The following CADM2 variants were observed in gnomAD, a reference collection of about 807,000 sequenced individuals.
CADM2 encodes the protein cell adhesion molecule 2, also known as immunoglobulin superfamily member 4D.
Under a neutral mutation model 49.8 loss-of-function variants are expected in CADM2, and 12 were observed. The observed-to-expected ratio is 0.24, with a 90% CI of 0.15 to 0.39. The LOEUF is 0.39. CADM2 is among the 10% of genes least tolerant of loss of function. The pLI is 1.00. For synonymous variants in CADM2, 214 were observed against 175.4 expected, an observed-to-expected ratio of 1.22 and a Z score of -1.74; for missense variants, 378 against 492.3, an observed-to-expected ratio of 0.77 and a Z score of 2.20.
In CADM2 at chr3:85,859,224, C is replaced by CTTTTTTTTT. The variant is rs397990427; in HGVS notation, c.239-24049_239-24041dup. On this transcript the variant is annotated intron_variant, in intron 3 of 9. Coordinates refer to ENST00000383699, the MANE Select transcript of CADM2 (RefSeq NM_001167675.2). ...TACCTTGTGCTTTTCTTTTTTTTGTCTTTTTTTTTTTTTTTTTTTTTTTTT... is the reference window on the plus strand; with the variant it reads ...TACCTTGTGCTTTTCTTTTTTTTGTCTTTTTTTTTTTTTTTTTTTTTTTTTTTTTTTTTT... Among the ~76,000 whole-genome samples, 32 of 70,604 alleles carry CTTTTTTTTT rather than the reference C, an allele frequency of 4.5e-4. 3 individuals carry two copies. Among genetic ancestry groups the CTTTTTTTTT allele is most frequent in the East Asian group, 1.1e-3 (2 of 1,876 alleles). The allele number at this position is 70,604 out of a possible 152,430, so 46.3% of individuals were successfully genotyped here.
intron 1 of CADM2, among the ~76,000 whole-genome samples, chr3:84,970,312 G>T (rs1387620438): frequency 1.3e-5 from 2 of 150,986 alleles, no homozygotes; most frequent in Non-Finnish European, 3.0e-5. Flanking sequence ...AGGTAGGATG[G>T]AAATATTATC....
intron 1 of CADM2, among the ~76,000 whole-genome samples, chr3:84,987,606 A>C (rs1312961035): frequency 1.3e-5 from 2 of 152,090 alleles, no homozygotes; most frequent in Non-Finnish European, 2.9e-5. Context: ...ATCTATTCAA[A>C]TTTGATAGGC....
At chr3:85,298,476 G>T (rs1044090932) in intron 1 of CADM2, among the ~76,000 whole-genome samples, 2 of 152,044 alleles carry the variant, frequency 1.3e-5, no homozygotes, top group African/African-American at 4.8e-5. Flanking sequence ...TTAGTGATTC[G>T]TGATTGTAAA....
chr3:85,832,520 A>T (rs139174570), intron 3 of CADM2, among the ~76,000 whole-genome samples: 84 of 151,840 alleles, frequency 5.5e-4, no homozygotes, highest in Middle Eastern at 3.4e-3. Context: ...CTTTGTAGAG[A>T]TCTTTCATCT....
chr3:85,660,160 T>C (rs1435444095), intron 1 of CADM2, among the ~76,000 whole-genome samples: 1 of 151,960 alleles, frequency 6.6e-6, no homozygotes, highest in Non-Finnish European at 1.5e-5. Context: ...GCACCCTCTC[T>C]GGGCCTGCAA....
intron 1 of CADM2, among the ~76,000 whole-genome samples, chr3:85,349,011 C>T (rs1353259215): frequency 6.6e-6 from 1 of 152,066 alleles, no homozygotes; most frequent in African/African-American, 2.4e-5. Flanking sequence ...ATTCAGTATC[C>T]TTTCTCATAA....
chr3:85,150,714 C>T (rs990699007), intron 1 of CADM2, among the ~76,000 whole-genome samples: 1 of 151,066 alleles, frequency 6.6e-6, no homozygotes, highest in African/African-American at 2.4e-5. Flanking sequence ...AGCAGCCTGG[C>T]CAACATAGTG....
chr3:86,032,828 A>G (rs1734710718), intron 8 of CADM2, among the ~76,000 whole-genome samples: 1 of 151,890 alleles, frequency 6.6e-6, no homozygotes, highest in African/African-American at 2.4e-5. Context: ...TTTGTATGAA[A>G]TAGATAATTT....
At chr3:85,548,145 C>G (rs1277317801) in intron 1 of CADM2, among the ~76,000 whole-genome samples, 1 of 88,232 alleles carries the variant, frequency 1.1e-5, no homozygotes, top group Non-Finnish European at 3.0e-5. Flanking sequence ...GTTCCCACTT[C>G]ACAGCGTGCC....
intron 1 of CADM2, among the ~76,000 whole-genome samples, chr3:85,627,421 A>C (rs2064160814): frequency 6.6e-6 from 1 of 152,046 alleles, no homozygotes; most frequent in Non-Finnish European, 1.5e-5. Context: ...GAATATTCAT[A>C]TATATACATG....
intron 1 of CADM2, among the ~76,000 whole-genome samples, chr3:85,162,468 T>C (rs1559697489): frequency 6.6e-6 from 1 of 152,212 alleles, no homozygotes; most frequent in Middle Eastern, 3.4e-3. Context: ...TGATTTACCT[T>C]TTAATATAAA....
chr3:86,058,200 T>C (rs1475258269), intron 8 of CADM2, among the ~76,000 whole-genome samples: 1 of 152,204 alleles, frequency 6.6e-6, no homozygotes, highest in Non-Finnish European at 1.5e-5. Context: ...TTTTCCCTAA[T>C]CTTTCAAATA....
chr3:85,085,120 T>A (rs567426391), intron 1 of CADM2, among the ~76,000 whole-genome samples: 1 of 152,306 alleles, frequency 6.6e-6, no homozygotes, highest in East Asian at 1.9e-4. Context: ...GTATGAATTA[T>A]ACCATCAACT....
intron 1 of CADM2, among the ~76,000 whole-genome samples, chr3:85,199,108 G>A (rs577140334): frequency 7.9e-5 from 12 of 151,904 alleles, no homozygotes; most frequent in South Asian, 4.1e-4. Context: ...TATGATTCAT[G>A]TTGTCTTACA....
chr3:85,437,309 A>C (rs2036977508), intron 1 of CADM2, among the ~76,000 whole-genome samples: 1 of 152,158 alleles, frequency 6.6e-6, no homozygotes. Flanking sequence ...AAGTTTCTGT[A>C]AACAGCTGTG....
intron 1 of CADM2, among the ~76,000 whole-genome samples, chr3:85,507,333 G>A (rs937542542): frequency 3.3e-5 from 5 of 151,854 alleles, no homozygotes; most frequent in African/African-American, 9.7e-5. Flanking sequence ...GGCTATAGGC[G>A]TGCACCACCA....
At chr3:85,256,375 T>C (rs575902673) in intron 1 of CADM2, among the ~76,000 whole-genome samples, 2 of 152,236 alleles carry the variant, frequency 1.3e-5, no homozygotes, top group East Asian at 3.9e-4. Flanking sequence ...GGATTGAAAG[T>C]CTGCATTTAT....
chr3:85,630,363 GC>G (rs769061119), intron 1 of CADM2, among the ~76,000 whole-genome samples: 70 of 151,972 alleles, frequency 4.6e-4, no homozygotes, highest in Admixed American at 6.6e-4. Flanking sequence ...CTTACAACTG[GC>G]ACACAGTGAC....
At chr3:85,153,852 A>G (rs2040013271) in intron 1 of CADM2, among the ~76,000 whole-genome samples, 1 of 152,150 alleles carries the variant, frequency 6.6e-6, no homozygotes, top group Admixed American at 6.5e-5. Context: ...ATGGCCTGGT[A>G]CTCCAACAGA....
Sources: allele counts gnomAD v4.1 joint callset (sites outside exome capture counted in the v4.1 genomes callset), GRCh38; gene constraint gnomAD v4.1.1; transcripts MANE v1.5; gene names NCBI Gene and HGNC (gene_info 2026-07-23, HGNC 2026-07-21).